VPS53: variants seen among roughly 807,000 people sequenced by gnomAD.
The protein encoded by VPS53 is vacuolar protein sorting-associated protein 53 homolog.
Under a neutral mutation model 107.0 loss-of-function variants are expected in VPS53, and 70 were observed. The ratio of observed to expected loss-of-function variants is 0.65; its 90% CI spans 0.54 to 0.80. VPS53 has a LOEUF of 0.80. Ranked by LOEUF, VPS53 falls within the 30% of genes least tolerant of loss-of-function variation. The pLI, the probability that VPS53 is intolerant of heterozygous loss-of-function variation, is 0.00. For missense variants in VPS53, 917 were observed against 1,049.4 expected, an observed-to-expected ratio of 0.87 and a Z score of 1.74; for synonymous variants, 409 against 393.3, an observed-to-expected ratio of 1.04 and a Z score of -0.47.
intron 3 of VPS53, among the ~76,000 whole-genome samples, chr17:697,949 C>T (rs566782220): frequency 1.5e-4 from 23 of 151,970 alleles, no homozygotes; most frequent in African/African-American, 5.1e-4. Context: ...GGCAGATCTA[C>T]GGCTTCCAGC....
At chr17:690,668 C>A (rs1368778699) in intron 4 of VPS53, among the ~76,000 whole-genome samples, 1 of 152,144 alleles carries the variant, frequency 6.6e-6, no homozygotes, top group Non-Finnish European at 1.5e-5. Flanking sequence ...AGAAGCCAAC[C>A]ATGTAATACG....
At chr17:527,613 T>C (rs1909219300) in intron 19 of VPS53, among the ~76,000 whole-genome samples, 1 of 152,178 alleles carries the variant, frequency 6.6e-6, no homozygotes, top group Admixed American at 6.5e-5. Flanking sequence ...ATCACTCTTT[T>C]AAATTATTAT....
At chr17:607,957 C>T (rs111779695) in intron 11 of VPS53, among the ~76,000 whole-genome samples, 1,685 of 152,228 alleles carry the variant, frequency 0.011, 27 homozygotes, top group African/African-American at 0.034. Context: ...TAGCTGGACA[C>T]ATCGAATTAT....
chr17:607,750 G>A (rs1415204830), intron 11 of VPS53, among the ~76,000 whole-genome samples: 3 of 152,182 alleles, frequency 2.0e-5, no homozygotes, highest in African/African-American at 7.2e-5. Context: ...ATTTCAAGCC[G>A]ATATAGGAAA....
At chr17:616,103 G>C (rs1969122101) in intron 11 of VPS53, 4 of 152,216 alleles carry the variant, frequency 2.6e-5, no homozygotes, top group Admixed American at 2.0e-4. Flanking sequence ...TGGGTAAAGT[G>C]GCCATAGGGC....
At chr17:541,821 A>G (rs986397520) in intron 17 of VPS53, among the ~76,000 whole-genome samples, 3 of 147,002 alleles carry the variant, frequency 2.0e-5, no homozygotes, top group African/African-American at 5.1e-5. Context: ...CACTGAAGGA[A>G]CGTTTATCAA....
chr17:638,452 G>A (rs1437300179), intron 7 of VPS53, among the ~76,000 whole-genome samples: 1 of 152,186 alleles, frequency 6.6e-6, no homozygotes, highest in Non-Finnish European at 1.5e-5. Context: ...ATTTGATCCT[G>A]TCATTATAAT....
At chr17:601,117 CA>C (rs1190007442) in intron 12 of VPS53, 23 of 152,126 alleles carry the variant, frequency 1.5e-4, no homozygotes, top group African/African-American at 5.6e-4. Flanking sequence ...CTCCAGCAGC[CA>C]AGTGTAGACA....
intron 5 of VPS53, among the ~76,000 whole-genome samples, chr17:659,594 T>C (rs1971364810): frequency 6.6e-6 from 1 of 152,182 alleles, no homozygotes; most frequent in African/African-American, 2.4e-5. Flanking sequence ...TCAGGGGTCT[T>C]TAACCACTGT....
rs1444437615 is a variant in VPS53, at chr17:519,033, A to G, written c.*95T>C. 3 of 1,337,282 alleles carry G rather than the reference A, an allele frequency of 2.2e-6. No individual in the cohort carries two copies. The highest frequency in any genetic ancestry group is 3.0e-6 in the Non-Finnish European group (3 of 1,005,212). 82.8% of individuals were successfully genotyped at this position (1,337,282 alleles called of 1,614,324 possible). The stretch of plus-strand genomic sequence containing the variant: ...GTCCCAGGAAGTTTGAAGACCGACG[A>G]TGTGAGAGTGCCGGGGAGCACAGGA... On this transcript the variant is annotated 3_prime_UTR_variant, in exon 22 of 22. Transcript: ENST00000437048. The surrounding 1 kb of genome is among the most constrained non-coding windows in gnomAD (Gnocchi z 5.0).
chr17:532,022 C>T (rs1375872263), intron 19 of VPS53: 1 of 147,288 alleles, frequency 6.8e-6, no homozygotes, highest in Non-Finnish European at 1.5e-5. Flanking sequence ...GTGATCTCAG[C>T]TCACTGCAAC....
intron 13 of VPS53, among the ~76,000 whole-genome samples, chr17:581,916 A>T (rs1967043453): frequency 6.7e-6 from 1 of 149,066 alleles, no homozygotes; most frequent in African/African-American, 2.5e-5. Context: ...ATTCCCAGAT[A>T]ACCTCCCTGA....
intron 5 of VPS53, among the ~76,000 whole-genome samples, chr17:658,455 T>A (rs1385356115): frequency 6.9e-6 from 1 of 145,366 alleles, no homozygotes; most frequent in East Asian, 2.1e-4. Context: ...CCCACTGAAG[T>A]GAGAAACTTG....
At chr17:589,711 T>C (rs1057098865) in intron 12 of VPS53, among the ~76,000 whole-genome samples, 1 of 152,162 alleles carries the variant, frequency 6.6e-6, no homozygotes, top group Non-Finnish European at 1.5e-5. Context: ...ATCTTAAGAA[T>C]GGCATATTGT....
At chr17:551,711 C>A (rs543112642) in intron 17 of VPS53, 161 bp downstream of exon 17, 1 of 493,450 alleles carries the variant, frequency 2.0e-6, no homozygotes, top group Non-Finnish European at 3.5e-6. Context: ...GACGCAGGTG[C>A]GACACTAACT....
At chr17:590,023 C>T (rs573682) in intron 12 of VPS53, among the ~76,000 whole-genome samples, 75,917 of 151,710 alleles carry the variant, frequency 0.5, 20,067 homozygotes, top group African/African-American at 0.68. Context: ...GGAATGTTCT[C>T]CCATTTGTTT....
In VPS53 at chr17:667,985, T is replaced by G. The variant is rs147267184; in HGVS notation, c.286-6090A>C. On this transcript the variant is annotated intron_variant, in intron 4 of 21. Coordinates refer to ENST00000437048, the MANE Select transcript of VPS53 (RefSeq NM_001128159.3). ...TATCTGAGGTGGAACAGTTTCATCC[T>G]GAAACCATGTCCCCCTCCCTGGTCC... Among the ~76,000 whole-genome samples the G allele has an allele frequency of 4.6e-5, 7 of 152,314 alleles. No individual in the cohort carries two copies. In the East Asian group the frequency reaches 1.3e-3, roughly 29 times the overall value.
Position 511,183 on chromosome 17 carries a change from T to A in VPS53, c.*7945A>T, listed in dbSNP as rs1434613211. ...CAGTGCTTGATTTTGTGAAGAACCC[T>A]GTGGAATGTGGTCTCTGGCAGCTGA... On this transcript the variant is annotated 3_prime_UTR_variant, in exon 22 of 22. Transcript: ENST00000437048. The A allele has an allele frequency of 6.6e-6, 1 of 152,248 alleles. No individual in the cohort carries two copies. The highest frequency in any genetic ancestry group is 1.9e-4 in the East Asian group (1 of 5,206). 9.4% of individuals were successfully genotyped at this position (152,248 alleles called of 1,614,324 possible).
intron 11 of VPS53, among the ~76,000 whole-genome samples, chr17:604,139 C>T (rs1670804219): frequency 6.6e-6 from 1 of 152,208 alleles, no homozygotes; most frequent in Non-Finnish European, 1.5e-5. Flanking sequence ...CTCACAATTA[C>T]ATAAAGATGG....
Sources: gnomAD v4.1 joint callset for allele counts (sites outside exome capture counted in the v4.1 genomes callset) on GRCh38, gnomAD v4.1.1 for gene constraint, Gnocchi (gnomAD v3.1) non-coding constraint, MANE v1.5 for transcripts, NCBI Gene and HGNC (gene_info 2026-07-23, HGNC 2026-07-21) for gene names.